The following MIPEP variants were observed in gnomAD, a reference collection of about 807,000 sequenced individuals.
MIPEP encodes the protein mitochondrial intermediate peptidase.
MIPEP carries 79 observed loss-of-function variants against 90.3 expected under a neutral mutation model. The ratio of observed to expected loss-of-function variants is 0.87; its 90% confidence interval spans 0.73 to 1.05. MIPEP has a LOEUF of 1.05. Among genes scored for constraint, MIPEP ranks in the 50% least tolerant of loss-of-function variants. MIPEP has a pLI of 0.00. For missense variants in MIPEP, 940 were observed against 905.6 expected, an observed-to-expected ratio of 1.04 and a Z score of -0.49; for synonymous variants, 334 against 315.8, an observed-to-expected ratio of 1.06 and a Z score of -0.61.
chr13:23,829,004 A>T (rs555499355), intron 14 of MIPEP, among the ~76,000 whole-genome samples: 2 of 152,362 alleles, frequency 1.3e-5, no homozygotes, highest in East Asian at 3.9e-4. Context: ...CAGACAGCTT[A>T]AACAATGGAA....
chr13:23,843,197 A>G (rs1176105878), intron 10 of MIPEP, among the ~76,000 whole-genome samples: 1 of 152,096 alleles, frequency 6.6e-6, no homozygotes, highest in Non-Finnish European at 1.5e-5. Context: ...GGCAGAAGCG[A>G]CAGTATAACT....
intron 16 of MIPEP, among the ~76,000 whole-genome samples, chr13:23,801,866 T>C (rs1953046465): frequency 6.6e-6 from 1 of 151,918 alleles, no homozygotes; most frequent in African/African-American, 2.4e-5. Context: ...CCCCTCACCT[T>C]TTTTTTAACT....
rs1275163818 is a variant in MIPEP at position 23,889,358 on chromosome 13, C to T, written c.-38G>A. On this transcript the variant is annotated 5_prime_UTR_variant, in exon 1 of 19. Transcript: ENST00000382172. ...GCAGTCCCTTCCTCCAACGCAGATC[C>T]CTGCCCTGCTGCTTTCGCTGGGAGC... The T allele has an allele frequency of 7.9e-7, 1 of 1,260,952 alleles. No individual in the cohort carries two copies. 78.1% of individuals were successfully genotyped at this position (1,260,952 alleles called of 1,614,324 possible).
Position 23,769,762 on chromosome 13 carries a change from G to C in MIPEP, c.1849-9545C>G, listed in dbSNP as rs566054424. Among the ~76,000 whole-genome samples, 6 of 152,280 alleles carry C rather than the reference G, an allele frequency of 3.9e-5. No homozygotes were observed. In the East Asian group the frequency reaches 1.2e-3, roughly 29 times the overall value. On this transcript the variant is annotated intron_variant, in intron 16 of 18. Transcript: ENST00000382172. ...ATTTGATGTCACATACGGCTGCTAT[G>C]GTCCCTTCCAAAACTCATGTTGAAA...
At chr13:23,750,190 A>G (rs538845793) in intron 18 of MIPEP, among the ~76,000 whole-genome samples, 2 of 152,312 alleles carry the variant, frequency 1.3e-5, no homozygotes, top group East Asian at 1.9e-4. Context: ...CCTATCATTA[A>G]TATCTTTCAT....
At chr13:23,824,846 CT>C (rs1475539540) in intron 14 of MIPEP, among the ~76,000 whole-genome samples, 3 of 152,132 alleles carry the variant, frequency 2.0e-5, no homozygotes, top group African/African-American at 7.2e-5. Flanking sequence ...TTTAAAAACC[CT>C]TTAAAAATGC....
intron 16 of MIPEP, among the ~76,000 whole-genome samples, chr13:23,794,969 A>G (rs187042593): frequency 1.4e-4 from 22 of 152,376 alleles, no homozygotes; most frequent in African/African-American, 5.3e-4. Context: ...CAAAGAGGAA[A>G]GAAATTTAAC....
At chr13:23,859,868 T>A (rs1482946111) in intron 9 of MIPEP, among the ~76,000 whole-genome samples, 1 of 152,242 alleles carries the variant, frequency 6.6e-6, no homozygotes, top group Non-Finnish European at 1.5e-5. Flanking sequence ...AGGTGTTATT[T>A]CCCATATTCC....
At chr13:23,774,340 T>C (rs949200476) in intron 16 of MIPEP, among the ~76,000 whole-genome samples, 1 of 152,200 alleles carries the variant, frequency 6.6e-6, no homozygotes, top group Non-Finnish European at 1.5e-5. Flanking sequence ...AATTGGGAAG[T>C]GTGAGCCCTC....
rs543030904 is a variant in MIPEP, at chr13:23,768,032, G to A, written c.1849-7815C>T. Among the ~76,000 whole-genome samples, 15 of 152,292 alleles carry A rather than the reference G, an allele frequency of 9.8e-5. 1 individual carries two copies. The highest frequency in any genetic ancestry group is 7.7e-4 in the East Asian group (4 of 5,182). ...GAAAATGGCTGTGAGTAAAGGTGAC[G>A]TGTGCAGCTGGGTTCTGCAAAAGGA... On this transcript the variant is annotated intron_variant, in intron 16 of 18. Transcript: ENST00000382172.
chr13:23,876,661 T>C (rs1242411075), intron 4 of MIPEP, among the ~76,000 whole-genome samples: 4 of 151,932 alleles, frequency 2.6e-5, no homozygotes, highest in Non-Finnish European at 4.4e-5. Flanking sequence ...TAACTCTTTG[T>C]CATATCAGAA....
chr13:23,734,916 G>C (rs1427083751), intron 18 of MIPEP, among the ~76,000 whole-genome samples: 2 of 152,172 alleles, frequency 1.3e-5, no homozygotes, highest in African/African-American at 2.4e-5. Flanking sequence ...AAAGTTTCTT[G>C]TAAAGCTCCA....
At chr13:23,823,240 C>T (rs1593174315) in intron 14 of MIPEP, among the ~76,000 whole-genome samples, 1 of 152,266 alleles carries the variant, frequency 6.6e-6, no homozygotes, top group Non-Finnish European at 1.5e-5. Flanking sequence ...GCTGTTGCTA[C>T]TCTTTTGCCT....
At chr13:23,760,301 C>G in intron 16 of MIPEP, 84 bp from the exon 17 acceptor site, 2 of 1,565,620 alleles carry the variant, frequency 1.3e-6, no homozygotes, top group South Asian at 2.2e-5. Context: ...AGTGGAGACA[C>G]AGAGAGACCC....
chr13:23,848,523 G>A (rs1869653233), intron 10 of MIPEP, among the ~76,000 whole-genome samples: 2 of 152,190 alleles, frequency 1.3e-5, no homozygotes, highest in African/African-American at 2.4e-5. Context: ...AGGGGCAGAG[G>A]AGCACTGCAA....
chr13:23,797,979 T>C (rs1421507333), intron 16 of MIPEP, among the ~76,000 whole-genome samples: 1 of 152,226 alleles, frequency 6.6e-6, no homozygotes, highest in African/African-American at 2.4e-5. Context: ...TCTAAAAGGC[T>C]ATTTCGAATA....
At chr13:23,800,350 A>G (rs181166008) in intron 16 of MIPEP, among the ~76,000 whole-genome samples, 2 of 152,348 alleles carry the variant, frequency 1.3e-5, no homozygotes, top group African/African-American at 4.8e-5. Context: ...TATTTCCTGA[A>G]TTAAAAATAG....
At chr13:23,870,754 G>A (rs1202792280) in intron 5 of MIPEP, among the ~76,000 whole-genome samples, 2 of 151,984 alleles carry the variant, frequency 1.3e-5, no homozygotes, top group East Asian at 1.9e-4. Flanking sequence ...GCAATGAGCC[G>A]AGATCGCACC....
At chr13:23,860,430 T>C (rs1046720098) in intron 9 of MIPEP, among the ~76,000 whole-genome samples, 3 of 152,204 alleles carry the variant, frequency 2.0e-5, no homozygotes, top group Admixed American at 6.5e-5. Context: ...ACTAAGTGAA[T>C]AGAGATCACA....
Sources: allele counts gnomAD v4.1 joint callset (sites outside exome capture counted in the v4.1 genomes callset), GRCh38; gene constraint gnomAD v4.1.1; transcripts MANE v1.5; gene names NCBI Gene and HGNC (gene_info 2026-07-23, HGNC 2026-07-21).